Variants in N4BP2L1 observed in about 807,000 individuals in gnomAD.
N4BP2L1 encodes NEDD4 binding protein 2 like 1.
A neutral mutation model predicts 21.2 loss-of-function variants in N4BP2L1; 12 were observed. That is an observed-to-expected ratio of 0.57 (90% CI 0.36 to 0.92). The LOEUF is 0.92. Among genes scored for constraint, N4BP2L1 ranks in the 40% least tolerant of loss-of-function variants. The probability of loss-of-function intolerance (pLI) is 0.01; values close to 1 mark genes in which losing one functional copy is unlikely to be tolerated. For missense variants in N4BP2L1, 259 were observed against 310.6 expected, an observed-to-expected ratio of 0.83 and a Z score of 1.25; for synonymous variants, 104 against 112.8, an observed-to-expected ratio of 0.92 and a Z score of 0.49.
At position 32,401,198 on chromosome 13, in the gene N4BP2L1, C is replaced by T. The variant is rs2073112071; in HGVS notation, c.*1744G>A. On this transcript the variant is annotated 3_prime_UTR_variant, in exon 5 of 5. Transcript: ENST00000380130. ...CCACTTTGAGCTCTCTGACATTTCT[C>T]CCCTCTACCAGCCCAGACGAGTCAA... The T allele has an allele frequency of 6.6e-6, 1 of 152,166 alleles. No individual in the cohort carries two copies. The highest frequency in any genetic ancestry group is 6.5e-5 in the Admixed American group (1 of 15,278). 9.4% of individuals were successfully genotyped at this position (152,166 alleles called of 1,614,324 possible).
At position 32,407,299 on chromosome 13, in the gene N4BP2L1, A is replaced by G. The variant is rs777657095; in HGVS notation, c.347T>C (p.Ile116Thr). 7 of 1,614,186 alleles carry G rather than the reference A, an allele frequency of 4.3e-6. No homozygotes were observed. Among genetic ancestry groups the G allele is most frequent in the Non-Finnish European group, 5.9e-6 (7 of 1,180,036 alleles). The stretch of plus-strand genomic sequence containing the variant: ...CCAGGCGTGGAGGTTGGTATTATCA[A>G]TAATAATGGGGGATATGCCATTCCT... ...AMRNGISPII[I>T]DNTNLHAWEM... Residue 116 changes from isoleucine (I) to threonine (T), a missense_variant, in exon 3 of 5, where the codon ATT (isoleucine) becomes ACT (threonine). This residue lies in a region of N4BP2L1 where 91 missense variants were observed against 148.1 expected (regional missense o/e 0.61). Transcript: ENST00000380130.
At chr13:32,426,664 G>T (rs977745073) in intron 1 of N4BP2L1, among the ~76,000 whole-genome samples, 1 of 152,180 alleles carries the variant, frequency 6.6e-6, no homozygotes, top group Non-Finnish European at 1.5e-5. Context: ...TTCTTCGGCA[G>T]TTCCTTGGTA....
intron 3 of N4BP2L1, among the ~76,000 whole-genome samples, chr13:32,405,974 C>T (rs1441857055): frequency 7.0e-6 from 1 of 143,832 alleles, no homozygotes; most frequent in Non-Finnish European, 1.5e-5. Context: ...ACGATCTCAG[C>T]TCACTGCAAG....
intron 1 of N4BP2L1, among the ~76,000 whole-genome samples, chr13:32,414,625 G>A (rs572737790): frequency 6.6e-5 from 10 of 152,194 alleles, no homozygotes; most frequent in African/African-American, 2.4e-4. Flanking sequence ...AAGATTGGTT[G>A]TTCCAATAAA....
At chr13:32,427,248 C>T (rs774590323) in intron 1 of N4BP2L1, among the ~76,000 whole-genome samples, 1 of 152,228 alleles carries the variant, frequency 6.6e-6, no homozygotes, top group Non-Finnish European at 1.5e-5. Flanking sequence ...CCCCCGTGCA[C>T]CTGTGCGCCT....
rs533281330 is a variant in N4BP2L1, at chr13:32,417,981, T to G, written c.179+9923A>C. On this transcript the variant is annotated intron_variant, in intron 1 of 4. Transcript: ENST00000380130. ...GCAGAGCACAAAAGTTTGGAAAATT[T>G]GCAGCCTGATGATGTGATAGAAAAG... 6.6e-5 allele frequency among the ~76,000 whole-genome samples: 10 copies of G among 152,336 alleles called. No homozygotes were observed. In the East Asian group the frequency reaches 1.7e-3, roughly 26 times the overall value.
intron 1 of N4BP2L1, among the ~76,000 whole-genome samples, chr13:32,409,800 GA>G (rs373244507): frequency 1.7e-3 from 263 of 152,318 alleles, no homozygotes; most frequent in African/African-American, 6.1e-3. Flanking sequence ...AGGAGGAAGC[GA>G]GTGCTGGAGG....
intron 4 of N4BP2L1, 41 bp from the exon 5 acceptor site, chr13:32,403,241 A>G: frequency 6.5e-6 from 10 of 1,541,110 alleles, no homozygotes; most frequent in Non-Finnish European, 8.7e-6. Flanking sequence ...GCAGGATACC[A>G]CAATGAGTTA....
intron 1 of N4BP2L1, among the ~76,000 whole-genome samples, chr13:32,423,304 C>G (rs191800292): frequency 3.9e-5 from 6 of 152,166 alleles, no homozygotes; most frequent in Non-Finnish European, 7.3e-5. Context: ...CAGCTGTCAG[C>G]GGGCATCCTT....
Position 32,400,980 on chromosome 13 carries a change from A to C in N4BP2L1, c.*1962T>G, listed in dbSNP as rs1458225113. 2 of 152,186 alleles carry C rather than the reference A, an allele frequency of 1.3e-5. No individual in the cohort carries two copies. The highest frequency in any genetic ancestry group is 2.9e-5 in the Non-Finnish European group (2 of 68,036). The allele number at this position is 152,186 out of a possible 1,614,324, so 9.4% of individuals were successfully genotyped here. On this transcript the variant is annotated 3_prime_UTR_variant, in exon 5 of 5. Coordinates refer to ENST00000380130, the MANE Select transcript of N4BP2L1 (RefSeq NM_052818.3). ...ATTTCAGGGGTCAGCTAGGGAAAGA[A>C]GAGACATTAAATAGGCCAGGAAACT...
rs759436332 is a variant in N4BP2L1, at chr13:32,427,981, A to C, written c.102T>G (p.Pro34=). Residue 34 remains proline (P), a synonymous_variant, in exon 1 of 5, where the codon CCT becomes CCG. Transcript: ENST00000380130. ...RPPRPPPRGT[P]PRRHSFRKHL... Reference sequence around the variant, plus strand: ...GTTTCCTAAAGCTGTGGCGGCGAGGAGGTGTCCCCCGCGGGGGCGGCCGGG... The same window carrying C: ...GTTTCCTAAAGCTGTGGCGGCGAGGCGGTGTCCCCCGCGGGGGCGGCCGGG... The C allele has an allele frequency of 6.4e-7, 1 of 1,552,278 alleles. No individual in the cohort carries two copies. The highest frequency in any genetic ancestry group is 8.7e-7 in the Non-Finnish European group (1 of 1,151,098).
At chr13:32,428,311 G>A, upstream of N4BP2L1, 2 of 379,280 alleles carry the variant, frequency 5.3e-6, no homozygotes, top group East Asian at 3.9e-5. Context: ...CAAGGGTGAC[G>A]CACCCACTCC....
At chr13:32,410,163 T>C (rs1433889399) in intron 1 of N4BP2L1, among the ~76,000 whole-genome samples, 1 of 152,250 alleles carries the variant, frequency 6.6e-6, no homozygotes, top group Admixed American at 6.5e-5. Context: ...TCTGCGGGCC[T>C]TGCCCGGGGT....
intron 3 of N4BP2L1, among the ~76,000 whole-genome samples, chr13:32,406,064 G>A (rs952032797): frequency 1.5e-4 from 23 of 151,056 alleles, no homozygotes; most frequent in Admixed American, 3.3e-4. Context: ...CACCACGCCC[G>A]GCTAATTTTT....
chr13:32,402,765 A>G lies in N4BP2L1; in HGVS notation c.*177T>C, dbSNP rs2073218461. On this transcript the variant is annotated 3_prime_UTR_variant, in exon 5 of 5. Coordinates refer to ENST00000380130, the MANE Select transcript of N4BP2L1 (RefSeq NM_052818.3). ...GAATTCCCAGCATCAGACCATGCAT[A>G]TAGAAGCACTTTAACAAATTTTGGT... is the stretch of plus-strand genomic sequence containing the variant. 7.2e-7 allele frequency: 1 copy of G among 1,396,948 alleles called. No individual in the cohort carries two copies. Among genetic ancestry groups the G allele is most frequent in the South Asian group, 1.8e-5 (1 of 56,362 alleles). The allele number at this position is 1,396,948 out of a possible 1,614,324, so 86.5% of individuals were successfully genotyped here.
chr13:32,428,156 T>C, upstream of N4BP2L1: 2 of 1,355,994 alleles, frequency 1.5e-6, no homozygotes, highest in Non-Finnish European at 1.9e-6. Context: ...GCTGTTGTTT[T>C]TGTGACTCTC....
At chr13:32,414,296 T>G (rs1350356541) in intron 1 of N4BP2L1, among the ~76,000 whole-genome samples, 1 of 152,222 alleles carries the variant, frequency 6.6e-6, no homozygotes, top group Non-Finnish European at 1.5e-5. Context: ...AACATAATGC[T>G]TAACTAATAA....
intron 1 of N4BP2L1, among the ~76,000 whole-genome samples, chr13:32,424,708 A>T (rs2074668054): frequency 2.6e-5 from 4 of 152,210 alleles, no homozygotes. Context: ...TATGCTTTTT[A>T]AATGAAACAC....
chr13:32,404,629 G>T (rs546669663), intron 3 of N4BP2L1, among the ~76,000 whole-genome samples: 25 of 149,788 alleles, frequency 1.7e-4, no homozygotes, highest in Non-Finnish European at 2.8e-4. Flanking sequence ...TAGGAAATTT[G>T]TAAAGGTTCT....
Sources: gnomAD v4.1 joint callset for allele counts (sites outside exome capture counted in the v4.1 genomes callset) on GRCh38, gnomAD v4.1.1 for gene constraint, gnomAD v4.1.1 regional missense constraint, MANE v1.5 for transcripts, NCBI Gene and HGNC (gene_info 2026-07-23, HGNC 2026-07-21) for gene names.